The following SLC9A2 variants were observed in gnomAD, a reference collection of about 807,000 sequenced individuals.
SLC9A2 encodes sodium/hydrogen exchanger 2.
In SLC9A2, 42 loss-of-function variants were observed where a neutral mutation model predicts 71.7. That is an observed-to-expected ratio of 0.59 (90% CI 0.46 to 0.76). SLC9A2 has a LOEUF of 0.76. Ranked by LOEUF, SLC9A2 falls within the 30% of genes least tolerant of loss-of-function variation. The pLI is 0.00. For synonymous variants in SLC9A2, 396 were observed against 392.5 expected, an observed-to-expected ratio of 1.01 and a Z score of -0.10; for missense variants, 829 against 1,017.4, an observed-to-expected ratio of 0.81 and a Z score of 2.52.
At position 102,672,176 on chromosome 2, in the gene SLC9A2, G is replaced by T. The variant is rs996955768; in HGVS notation, c.1004+6826G>T. On this transcript the variant is annotated intron_variant, in intron 3 of 11. Coordinates refer to ENST00000233969, the MANE Select transcript of SLC9A2 (RefSeq NM_003048.6). Reference sequence around the variant, plus strand: ...AGATTTTTAAGACTGAGTAGGAAAAGGATTCTAGAATATCTCATTAGTAAT... The same window carrying T: ...AGATTTTTAAGACTGAGTAGGAAAATGATTCTAGAATATCTCATTAGTAAT... Among the ~76,000 whole-genome samples, 130 of 151,964 alleles carry T rather than the reference G, an allele frequency of 8.6e-4. 1 individual carries two copies. The highest frequency in any genetic ancestry group is 3.1e-3 in the African/African-American group (127 of 41,394).
Position 102,626,957 on chromosome 2 carries a change from T to C in SLC9A2, c.289+6820T>C, listed in dbSNP as rs539341460. ...ACAGAATTATTTCACCTAGATTGAATCCCTAAGAAGTATACAATGAACTGT... is the reference window on the plus strand; with the variant it reads ...ACAGAATTATTTCACCTAGATTGAACCCCTAAGAAGTATACAATGAACTGT... On this transcript the variant is annotated intron_variant, in intron 1 of 11. Coordinates refer to ENST00000233969, the MANE Select transcript of SLC9A2 (RefSeq NM_003048.6). 5.9e-5 allele frequency among the ~76,000 whole-genome samples: 9 copies of C among 152,298 alleles called. No individual in the cohort carries two copies. The South Asian group carries it at 1.4e-3, about 25-fold the overall frequency.
intron 1 of SLC9A2, among the ~76,000 whole-genome samples, chr2:102,656,536 G>A (rs1676946718): frequency 6.6e-6 from 1 of 152,222 alleles, no homozygotes; most frequent in South Asian, 2.1e-4. Flanking sequence ...AACTATGTGA[G>A]ATTAGAGATC....
chr2:102,708,362 A>G lies in SLC9A2; in HGVS notation c.2312A>G (p.Asp771Gly). The G allele has an allele frequency of 6.2e-7, 1 of 1,614,190 alleles. No individual in the cohort carries two copies. The highest frequency in any genetic ancestry group is 8.5e-7 in the Non-Finnish European group (1 of 1,180,042). The stretch of plus-strand genomic sequence containing the variant: ...CTACAGCAGCCCCTTCTCTCTAAAG[A>G]CCAGTCTGGCTCAGAGAGGGAAGAC... ...GLLQQPLLSK[D>G]QSGSEREDSL... Residue 771 changes from aspartate to glycine, a missense_variant, in exon 12 of 12, where the codon GAC (aspartate) becomes GGC (glycine). Asp to Gly is a moderately conservative substitution (Grantham distance 94). Coordinates refer to ENST00000233969, the MANE Select transcript of SLC9A2 (RefSeq NM_003048.6).
intron 1 of SLC9A2, among the ~76,000 whole-genome samples, chr2:102,622,904 C>T (rs1676169963): frequency 1.3e-5 from 2 of 152,182 alleles, no homozygotes; most frequent in African/African-American, 4.8e-5. Flanking sequence ...CAGCCTTCTA[C>T]AAGTGTTCTT....
At chr2:102,671,963 A>G (rs6730098) in intron 3 of SLC9A2, among the ~76,000 whole-genome samples, 13,458 of 151,994 alleles carry the variant, frequency 0.089, 1,408 homozygotes, top group African/African-American at 0.25. Flanking sequence ...AAAATTAGCC[A>G]GGCATGATGG....
At chr2:102,687,293 C>T (rs535044317) in intron 5 of SLC9A2, among the ~76,000 whole-genome samples, 66 of 152,286 alleles carry the variant, frequency 4.3e-4, no homozygotes, top group African/African-American at 1.5e-3. Context: ...AACACACACA[C>T]GTGCACAAGC....
chr2:102,707,296 T>C (rs1677999309), intron 11 of SLC9A2, among the ~76,000 whole-genome samples: 1 of 61,940 alleles, frequency 1.6e-5, no homozygotes, highest in Admixed American at 1.8e-4. Context: ...ATTACCCCTC[T>C]TTTTTTATTT....
At chr2:102,644,141 C>A (rs970848783) in intron 1 of SLC9A2, among the ~76,000 whole-genome samples, 1 of 151,938 alleles carries the variant, frequency 6.6e-6, no homozygotes, top group South Asian at 2.1e-4. Flanking sequence ...CGGGTCATCT[C>A]ATTGGGACTG....
Position 102,665,108 on chromosome 2 carries a change from C to T in SLC9A2, c.762C>T (p.Tyr254=). The T allele has an allele frequency of 6.2e-7, 1 of 1,612,936 alleles. No individual in the cohort carries two copies. Among genetic ancestry groups the T allele is most frequent in the South Asian group, 1.1e-5 (1 of 90,962 alleles). ...LLNDAVTVVL[Y]NLFKSFCQMK... Reference sequence around the variant, plus strand: ...TTTTTTTTTTCCTGCAGGTCCTGTACAACTTGTTCAAGTCGTTTTGCCAGA... The same window carrying T: ...TTTTTTTTTTCCTGCAGGTCCTGTATAACTTGTTCAAGTCGTTTTGCCAGA... Residue 254 remains tyrosine (Y), a synonymous_variant, in exon 3 of 12, where the codon TAC becomes TAT. Coordinates refer to ENST00000233969, the MANE Select transcript of SLC9A2 (RefSeq NM_003048.6).
At chr2:102,679,181 C>T (rs1677401586) in intron 3 of SLC9A2, among the ~76,000 whole-genome samples, 1 of 152,038 alleles carries the variant, frequency 6.6e-6, no homozygotes, top group Admixed American at 6.5e-5. Flanking sequence ...TCTGTGGTAC[C>T]CACCCAGGGC....
At chr2:102,638,801 A>G (rs535537533) in intron 1 of SLC9A2, among the ~76,000 whole-genome samples, 7 of 152,226 alleles carry the variant, frequency 4.6e-5, no homozygotes, top group South Asian at 2.1e-4. Flanking sequence ...TTCAGAAAAC[A>G]TATCTGTGAG....
intron 1 of SLC9A2, among the ~76,000 whole-genome samples, chr2:102,638,784 C>T (rs1676517869): frequency 6.6e-6 from 1 of 152,216 alleles, no homozygotes; most frequent in South Asian, 2.1e-4. Context: ...TGCTTGAGGC[C>T]AGGAGTTTCA....
At chr2:102,630,440 CTT>C (rs1162148723) in intron 1 of SLC9A2, among the ~76,000 whole-genome samples, 1 of 151,906 alleles carries the variant, frequency 6.6e-6, no homozygotes, top group African/African-American at 2.4e-5. Flanking sequence ...GTTACACTGA[CTT>C]TTGATATTAA....
At chr2:102,665,635 G>A (rs937332296) in intron 3 of SLC9A2, among the ~76,000 whole-genome samples, 5 of 151,726 alleles carry the variant, frequency 3.3e-5, no homozygotes, top group South Asian at 2.1e-4. Context: ...TTAGCCAGGC[G>A]TGGTGATGGG....
chr2:102,663,192 C>A (rs1365133154), intron 2 of SLC9A2, among the ~76,000 whole-genome samples: 1 of 151,908 alleles, frequency 6.6e-6, no homozygotes, highest in Non-Finnish European at 1.5e-5. Context: ...AACAATGATG[C>A]CTTTAAAATA....
At chr2:102,632,113 TATATATAC>T (rs1219257384) in intron 1 of SLC9A2, among the ~76,000 whole-genome samples, 4 of 83,154 alleles carry the variant, frequency 4.8e-5, no homozygotes, top group African/African-American at 8.9e-5. Context: ...CATATATATG[TATATATAC>T]ATATATACAT....
chr2:102,625,420 A>G lies in SLC9A2; in HGVS notation c.289+5283A>G, dbSNP rs541125339. On this transcript the variant is annotated intron_variant, in intron 1 of 11. Transcript: ENST00000233969. ...TGTGCCATGTTGGTGTGCTGCACCC[A>G]TTAACTCATCATTTACATTAGGTAT... 1.1e-4 allele frequency among the ~76,000 whole-genome samples: 16 copies of G among 151,918 alleles called. No homozygotes were observed. The South Asian group carries it at 3.3e-3, about 32-fold the overall frequency.
chr2:102,679,475 G>A lies in SLC9A2; in HGVS notation c.1005-3786G>A, dbSNP rs373119722. 3.9e-4 allele frequency among the ~76,000 whole-genome samples: 59 copies of A among 151,508 alleles called. No homozygotes were observed. The South Asian group carries it at 8.9e-3, about 23-fold the overall frequency. ...CAGCTCACTGCAAGCTCTGCCTCCC[G>A]GGTTCACGCCATTCTTCTGCCTCAG... On this transcript the variant is annotated intron_variant, in intron 3 of 11. Transcript: ENST00000233969.
At chr2:102,689,012 G>A (rs151224086) in intron 5 of SLC9A2, among the ~76,000 whole-genome samples, 3 of 152,264 alleles carry the variant, frequency 2.0e-5, no homozygotes, top group East Asian at 1.9e-4. Context: ...GCAGAACTGC[G>A]AAGCATCTGG....
Sources: allele counts gnomAD v4.1 joint callset (sites outside exome capture counted in the v4.1 genomes callset), GRCh38; gene constraint gnomAD v4.1.1; transcripts MANE v1.5; gene names NCBI Gene and HGNC (gene_info 2026-07-23, HGNC 2026-07-21).